Variants in NUDT4 observed in about 807,000 individuals in gnomAD.
NUDT4 encodes the protein diphosphoinositol polyphosphate phosphohydrolase 2.
NUDT4 carries 5 observed loss-of-function variants against 23.1 expected under a neutral mutation model. That is an observed-to-expected ratio of 0.22 (90% CI 0.11 to 0.46). NUDT4 has a LOEUF of 0.46. Ranked by LOEUF, NUDT4 falls within the 20% of genes least tolerant of loss-of-function variation. NUDT4 has a pLI of 0.99. For missense variants in NUDT4, 96 were observed against 211.6 expected (o/e 0.45, Z 3.39); for synonymous variants, 50 against 79.0 (o/e 0.63, Z 1.95).
intron 1 of NUDT4, among the ~76,000 whole-genome samples, chr12:93,391,396 C>T (rs1876490745): frequency 6.6e-6 from 1 of 151,946 alleles, no homozygotes; most frequent in Non-Finnish European, 1.5e-5. Flanking sequence ...GAAACCCCAT[C>T]TCTACTCAAA....
At chr12:93,398,996 T>C (rs1273094629) in intron 4 of NUDT4, 141 bp downstream of exon 4, 3 of 801,764 alleles carry the variant, frequency 3.7e-6, no homozygotes, top group African/African-American at 3.5e-5. Flanking sequence ...GATTTTTTTT[T>C]TTTTGGTCAC....
At chr12:93,397,529 TTA>T (rs994161711) in intron 3 of NUDT4, among the ~76,000 whole-genome samples, 3 of 149,356 alleles carry the variant, frequency 2.0e-5, no homozygotes, top group Admixed American at 6.6e-5. Context: ...TTTATTTAAT[TTA>T]TGTTTTTTTT....
rs1374705276 is a variant in NUDT4, at chr12:93,403,116, C to G, written c.*3737C>G. Reference sequence around the variant, plus strand: ...CTCCTAGGCTTAAGCAGTCCTCCAGCCTCAGCCTTCTCAAAGTGCTAGGAT... The same window carrying G: ...CTCCTAGGCTTAAGCAGTCCTCCAGGCTCAGCCTTCTCAAAGTGCTAGGAT... On this transcript the variant is annotated 3_prime_UTR_variant, in exon 5 of 5. Coordinates refer to ENST00000415493, the MANE Select transcript of NUDT4 (RefSeq NM_019094.6). 6.6e-6 allele frequency: 1 copy of G among 151,808 alleles called. No homozygotes were observed. The highest frequency in any genetic ancestry group is 2.4e-5 in the African/African-American group (1 of 41,244). 9.4% of individuals were successfully genotyped at this position (151,808 alleles called of 1,614,324 possible).
At chr12:93,389,705 A>T (rs1005708585) in intron 1 of NUDT4, among the ~76,000 whole-genome samples, 1 of 151,930 alleles carries the variant, frequency 6.6e-6, no homozygotes, top group Non-Finnish European at 1.5e-5. Flanking sequence ...GTTCAAGACC[A>T]GCCTGGCCAA....
At chr12:93,389,315 A>G (rs1302166418) in intron 1 of NUDT4, among the ~76,000 whole-genome samples, 1 of 152,050 alleles carries the variant, frequency 6.6e-6, no homozygotes, top group Non-Finnish European at 1.5e-5. Flanking sequence ...TCTACTAAAA[A>G]TACAAAATTA....
rs1202590685 is a variant in NUDT4 at position 93,406,453 on chromosome 12, CT to C, written c.*7078del. The C allele has an allele frequency of 6.6e-6, 1 of 152,048 alleles. No homozygotes were observed. The highest frequency in any genetic ancestry group is 2.4e-5 in the African/African-American group (1 of 41,390). 9.4% of individuals were successfully genotyped at this position (152,048 alleles called of 1,614,324 possible). ...CATCAAACAACCATAGCACCTGTGACTTTTATCTGTTGGTTTGTATTTAATC... is the reference window on the plus strand; with the variant it reads ...CATCAAACAACCATAGCACCTGTGACTTTATCTGTTGGTTTGTATTTAATC... On this transcript the variant is annotated 3_prime_UTR_variant, in exon 5 of 5. Coordinates refer to ENST00000415493, the MANE Select transcript of NUDT4 (RefSeq NM_019094.6).
At chr12:93,384,797 C>A (rs1198149833) in intron 1 of NUDT4, among the ~76,000 whole-genome samples, 1 of 151,622 alleles carries the variant, frequency 6.6e-6, no homozygotes. Context: ...CACTCTGTCA[C>A]CCAGGCTGGA....
In NUDT4 at chr12:93,404,875, CCAA is replaced by C. The variant is rs927853253; in HGVS notation, c.*5500_*5502del. 2.0e-5 allele frequency: 3 copies of C among 151,456 alleles called. No individual in the cohort carries two copies. Among genetic ancestry groups the C allele is most frequent in the East Asian group, 1.9e-4 (1 of 5,192 alleles). 9.4% of individuals were successfully genotyped at this position (151,456 alleles called of 1,614,324 possible). A position where few individuals can be genotyped will look rare whatever the true frequency, so the allele number is the denominator to read the frequency against. On this transcript the variant is annotated 3_prime_UTR_variant, in exon 5 of 5. Transcript: ENST00000415493. The stretch of plus-strand genomic sequence containing the variant: ...CCCACCCCACTGCCTGTTTGTACGG[CCAA>C]CAAGTTTAAAATTTTTTTAATGTTT...
intron 1 of NUDT4, among the ~76,000 whole-genome samples, chr12:93,385,568 AG>A (rs1875996072): frequency 6.6e-6 from 1 of 152,190 alleles, no homozygotes; most frequent in South Asian, 2.1e-4. Context: ...GTGTCTTTGT[AG>A]AATGAGCTTT....
chr12:93,383,323 A>C (rs1484113982), intron 1 of NUDT4, among the ~76,000 whole-genome samples: 1 of 152,216 alleles, frequency 6.6e-6, no homozygotes, highest in Non-Finnish European at 1.5e-5. Context: ...TAATTTTCTT[A>C]ATAGTAGGTA....
intron 1 of NUDT4, among the ~76,000 whole-genome samples, chr12:93,380,746 T>C (rs1468501121): frequency 1.3e-5 from 2 of 152,254 alleles, no homozygotes; most frequent in East Asian, 3.8e-4. Flanking sequence ...GAGATTCTAT[T>C]GTTTCTCTAT....
chr12:93,385,287 C>CA (rs1156896165), intron 1 of NUDT4: 1 of 152,356 alleles, frequency 6.6e-6, no homozygotes, highest in East Asian at 1.9e-4. Flanking sequence ...GAGATGTCTT[C>CA]ACTTTTCACC....
At chr12:93,382,908 A>G (rs7977608) in intron 1 of NUDT4, among the ~76,000 whole-genome samples, 75,282 of 151,560 alleles carry the variant, frequency 0.5, 19,673 homozygotes, top group African/African-American at 0.67. Context: ...TGATTTACCC[A>G]CCTCAGCCTC....
At chr12:93,380,574 G>T (rs1875589619) in intron 1 of NUDT4, among the ~76,000 whole-genome samples, 1 of 152,140 alleles carries the variant, frequency 6.6e-6, no homozygotes, top group Non-Finnish European at 1.5e-5. Context: ...CTTGTTAGAG[G>T]ATATGATCTG....
At chr12:93,387,970 C>T (rs1187640387) in intron 1 of NUDT4, among the ~76,000 whole-genome samples, 1 of 152,184 alleles carries the variant, frequency 6.6e-6, no homozygotes, top group Non-Finnish European at 1.5e-5. Flanking sequence ...CCACCACCCC[C>T]CCAGATGTGG....
intron 1 of NUDT4, chr12:93,381,075 G>A (rs1396147101): frequency 6.6e-6 from 1 of 152,180 alleles, no homozygotes; most frequent in African/African-American, 2.4e-5. Flanking sequence ...AAAGAAGGTT[G>A]TTCTAAGAGC....
At chr12:93,393,616 C>T (rs867057317) in intron 1 of NUDT4, among the ~76,000 whole-genome samples, 2 of 152,092 alleles carry the variant, frequency 1.3e-5, no homozygotes, top group African/African-American at 2.4e-5. Flanking sequence ...TTGAATTTCA[C>T]ATAATTTTAA....
At chr12:93,399,127 T>C in intron 4 of NUDT4, 50 bp from the exon 5 acceptor site, 1 of 1,391,590 alleles carries the variant, frequency 7.2e-7, no homozygotes, top group Non-Finnish European at 1.0e-6. Flanking sequence ...CTTATATGGC[T>C]TACTTTTTAA....
chr12:93,388,615 G>A (rs1303717737), intron 1 of NUDT4, among the ~76,000 whole-genome samples: 5 of 152,186 alleles, frequency 3.3e-5, no homozygotes, highest in African/African-American at 4.8e-5. Context: ...ATTTAGTTTG[G>A]ATACCATGTG....
Sources: allele counts gnomAD v4.1 joint callset (sites outside exome capture counted in the v4.1 genomes callset), GRCh38; gene constraint gnomAD v4.1.1; transcripts MANE v1.5; gene names NCBI Gene and HGNC (gene_info 2026-07-23, HGNC 2026-07-21).